RALYL: variants seen among roughly 807,000 people sequenced by gnomAD.
RALYL encodes the protein RNA-binding Raly-like protein.
A neutral mutation model predicts 35.1 loss-of-function variants in RALYL; 29 were observed. The ratio of observed to expected loss-of-function variants is 0.83; its 90% CI spans 0.61 to 1.13. The LOEUF is 1.13. RALYL is among the 50% of genes most tolerant of loss of function. The pLI, the probability that RALYL is intolerant of heterozygous loss-of-function variation, is 0.00. For missense variants in RALYL, 359 were observed against 360.4 expected (o/e 1.00, Z 0.03); for synonymous variants, 120 against 127.6 (o/e 0.94, Z 0.40).
intron 2 of RALYL, among the ~76,000 whole-genome samples, chr8:84,699,617 T>A (rs150712458): frequency 6.6e-6 from 1 of 152,170 alleles, no homozygotes; most frequent in East Asian, 1.9e-4. Flanking sequence ...CATGACCTAA[T>A]TACCTCCCAA....
intron 2 of RALYL, among the ~76,000 whole-genome samples, chr8:84,763,992 A>G (rs1335938360): frequency 1.4e-5 from 2 of 139,516 alleles, no homozygotes; most frequent in African/African-American, 5.6e-5. Context: ...AGCTAATAGA[A>G]CAAACAAACA....
chr8:84,762,838 A>G (rs927459474), intron 2 of RALYL, among the ~76,000 whole-genome samples: 4 of 152,216 alleles, frequency 2.6e-5, no homozygotes, highest in African/African-American at 9.6e-5. Context: ...TCATCAGTGC[A>G]TTAATATAGC....
chr8:84,497,939 C>G (rs2056246988), intron 1 of RALYL, among the ~76,000 whole-genome samples: 1 of 141,382 alleles, frequency 7.1e-6, no homozygotes, highest in Admixed American at 7.4e-5. Flanking sequence ...CCACGCCCAG[C>G]CTAAGGTTGC....
intron 1 of RALYL, among the ~76,000 whole-genome samples, chr8:84,410,983 T>C (rs1304102343): frequency 6.6e-6 from 1 of 151,784 alleles, no homozygotes; most frequent in Admixed American, 6.6e-5. Context: ...ATTTCTTCTT[T>C]CAAAAGCACC....
chr8:84,397,937 T>A (rs1358786470), intron 1 of RALYL, among the ~76,000 whole-genome samples: 1 of 152,242 alleles, frequency 6.6e-6, no homozygotes, highest in Non-Finnish European at 1.5e-5. Context: ...AAACTCCCTT[T>A]GGCTTTCTTC....
At chr8:84,377,488 C>T (rs1483848127) in intron 1 of RALYL, among the ~76,000 whole-genome samples, 2 of 122,252 alleles carry the variant, frequency 1.6e-5, no homozygotes, top group African/African-American at 7.4e-5. Context: ...TAAACTGATC[C>T]CATGAGATCA....
intron 1 of RALYL, among the ~76,000 whole-genome samples, chr8:84,274,657 T>C (rs1835009040): frequency 6.6e-6 from 1 of 152,150 alleles, no homozygotes; most frequent in Admixed American, 6.5e-5. Flanking sequence ...GTGTTGGCAT[T>C]TTTGTGTAAT....
chr8:84,193,856 G>A (rs930673507), intron 1 of RALYL, among the ~76,000 whole-genome samples: 1 of 152,178 alleles, frequency 6.6e-6, no homozygotes, highest in Non-Finnish European at 1.5e-5. Context: ...TCCACTTTGT[G>A]TAAAACAAAG....
intron 2 of RALYL, among the ~76,000 whole-genome samples, chr8:84,587,786 G>A (rs547613728): frequency 2.0e-5 from 3 of 152,298 alleles, no homozygotes; most frequent in South Asian, 2.1e-4. Context: ...AAAACTGAGA[G>A]CATCAGATTA....
chr8:84,326,804 G>GT (rs1323752237), intron 1 of RALYL, among the ~76,000 whole-genome samples: 9 of 152,100 alleles, frequency 5.9e-5, no homozygotes, highest in Non-Finnish European at 8.8e-5. Context: ...CTTTTTAAGG[G>GT]TAATACTCAG....
At chr8:84,842,330 C>A (rs1833601688) in intron 4 of RALYL, among the ~76,000 whole-genome samples, 1 of 152,190 alleles carries the variant, frequency 6.6e-6, no homozygotes, top group Admixed American at 6.5e-5. Flanking sequence ...TCAGGGAATA[C>A]TATAAACACC....
intron 1 of RALYL, among the ~76,000 whole-genome samples, chr8:84,332,185 G>T (rs1227790271): frequency 1.3e-5 from 2 of 152,080 alleles, no homozygotes; most frequent in African/African-American, 4.8e-5. Context: ...GTGTGTAGAA[G>T]AGAAGGGCAT....
Position 84,920,923 on chromosome 8 carries a change from G to T in RALYL, c.*12G>T. 1.4e-6 allele frequency: 2 copies of T among 1,434,988 alleles called. No individual in the cohort carries two copies. Among genetic ancestry groups the T allele is most frequent in the Non-Finnish European group, 1.9e-6 (2 of 1,075,600 alleles). The allele number at this position is 1,434,988 out of a possible 1,614,324, so 88.9% of individuals were successfully genotyped here. Reference sequence around the variant, plus strand: ...TACAGATAAAGTGATCTGAAATAACGCATGATGCCACAAAGCAGAAAAGAG... The same window carrying T: ...TACAGATAAAGTGATCTGAAATAACTCATGATGCCACAAAGCAGAAAAGAG... On this transcript the variant is annotated 3_prime_UTR_variant, in exon 9 of 9. Coordinates refer to ENST00000521268, the MANE Select transcript of RALYL (RefSeq NM_173848.7).
At chr8:84,228,611 A>T (rs1439302864) in intron 1 of RALYL, among the ~76,000 whole-genome samples, 3 of 152,150 alleles carry the variant, frequency 2.0e-5, no homozygotes, top group Admixed American at 2.0e-4. Context: ...ATAAATGGAA[A>T]TGTTCATCTA....
intron 1 of RALYL, among the ~76,000 whole-genome samples, chr8:84,353,254 G>T (rs151041610): frequency 2.7e-5 from 4 of 150,132 alleles, no homozygotes; most frequent in Admixed American, 2.0e-4. Flanking sequence ...CATAGAACTT[G>T]CATGGTTTTT....
chr8:84,279,816 A>G (rs185083396), intron 1 of RALYL, among the ~76,000 whole-genome samples: 239 of 152,234 alleles, frequency 1.6e-3, no homozygotes, highest in African/African-American at 4.7e-3. Context: ...TCTTGTGCTT[A>G]TACTTGTGGC....
chr8:84,296,898 T>A (rs1315133734), intron 1 of RALYL, among the ~76,000 whole-genome samples: 1 of 151,894 alleles, frequency 6.6e-6, no homozygotes, highest in Non-Finnish European at 1.5e-5. Flanking sequence ...AATATTGGCA[T>A]TTTTTTAATG....
At chr8:84,613,076 G>A (rs1818669283) in intron 2 of RALYL, among the ~76,000 whole-genome samples, 2 of 151,536 alleles carry the variant, frequency 1.3e-5, no homozygotes, top group South Asian at 4.1e-4. Flanking sequence ...GTTGCTTTAG[G>A]TAAAGAAGTT....
intron 6 of RALYL, among the ~76,000 whole-genome samples, chr8:84,868,774 C>T (rs1478406550): frequency 6.6e-6 from 1 of 151,994 alleles, no homozygotes; most frequent in African/African-American, 2.4e-5. Flanking sequence ...CATATATATG[C>T]ATATATATGT....
Sources: gnomAD v4.1 joint callset for allele counts (sites outside exome capture counted in the v4.1 genomes callset) on GRCh38, gnomAD v4.1.1 for gene constraint, MANE v1.5 for transcripts, NCBI Gene and HGNC (gene_info 2026-07-23, HGNC 2026-07-21) for gene names.